Variants in PDE10A observed in about 807,000 individuals in gnomAD.
PDE10A encodes cAMP and cAMP-inhibited cGMP 3',5'-cyclic phosphodiesterase 10A.
PDE10A carries 39 observed loss-of-function variants against 97.7 expected under a neutral mutation model. The ratio of observed to expected loss-of-function variants is 0.40; its 90% CI spans 0.31 to 0.52. The LOEUF (loss-of-function observed/expected upper bound fraction) is 0.52. PDE10A is among the 20% of genes least tolerant of loss of function. PDE10A has a pLI of 0.56. For missense variants in PDE10A, 731 were observed against 1,047.8 expected (o/e 0.70, Z 4.17); for synonymous variants, 371 against 376.8 (o/e 0.98, Z 0.18).
chr6:165,488,337 T>C lies in PDE10A; in HGVS notation c.995-5994A>G, dbSNP rs561102151. 3.3e-5 allele frequency among the ~76,000 whole-genome samples: 5 copies of C among 152,290 alleles called. No individual in the cohort carries two copies. In the South Asian group the frequency reaches 1.0e-3, roughly 32 times the overall value. On this transcript the variant is annotated intron_variant, in intron 2 of 21. Transcript: ENST00000539869. ...CTTTTAAAAGCCTTAGCAAGGATAG[T>C]TTATGGGAAAAATAAATGCGCTAAG...
At chr6:165,967,625 A>C (rs576776144) in intron 1 of PDE10A, among the ~76,000 whole-genome samples, 9 of 152,252 alleles carry the variant, frequency 5.9e-5, no homozygotes, top group Admixed American at 1.3e-4. Flanking sequence ...GAATAAAGAA[A>C]TAGCATCTGT....
chr6:165,917,484 G>A (rs1040446089), intron 1 of PDE10A, among the ~76,000 whole-genome samples: 3 of 152,156 alleles, frequency 2.0e-5, no homozygotes, highest in Admixed American at 6.5e-5. Context: ...CAGGCACCCC[G>A]AAAATGCCCC....
intron 1 of PDE10A, among the ~76,000 whole-genome samples, chr6:165,658,269 T>C (rs1226371699): frequency 6.6e-6 from 1 of 152,234 alleles, no homozygotes; most frequent in African/African-American, 2.4e-5. Context: ...CTGATGAGTG[T>C]GGAGCACATT....
At chr6:165,882,466 C>T (rs919915626) in intron 1 of PDE10A, among the ~76,000 whole-genome samples, 2 of 152,112 alleles carry the variant, frequency 1.3e-5, no homozygotes, top group East Asian at 1.9e-4. Flanking sequence ...GGATCTAGAC[C>T]TCAGGTAGGT....
intron 2 of PDE10A, among the ~76,000 whole-genome samples, chr6:165,540,134 A>G (rs1583497902): frequency 1.3e-5 from 2 of 152,172 alleles, no homozygotes; most frequent in South Asian, 4.1e-4. Flanking sequence ...AAAATTTACT[A>G]TGATGCACGC....
intron 1 of PDE10A, among the ~76,000 whole-genome samples, chr6:165,886,912 G>A (rs1781646135): frequency 6.6e-6 from 1 of 152,178 alleles, no homozygotes; most frequent in African/African-American, 2.4e-5. Context: ...ACAACAGAGA[G>A]GAGAATCTGT....
chr6:165,741,999 T>A (rs1190878279), intron 1 of PDE10A, among the ~76,000 whole-genome samples: 2 of 152,226 alleles, frequency 1.3e-5, no homozygotes, highest in East Asian at 3.8e-4. Flanking sequence ...CAGCAGGATT[T>A]AAATTAAGCC....
chr6:165,342,129 A>G (rs1782009013), intron 19 of PDE10A, among the ~76,000 whole-genome samples: 1 of 152,220 alleles, frequency 6.6e-6, no homozygotes, highest in Admixed American at 6.5e-5. Context: ...ATGGTAGTAA[A>G]TGATAAAATC....
chr6:165,898,918 A>G (rs752293784), intron 1 of PDE10A, among the ~76,000 whole-genome samples: 13 of 152,190 alleles, frequency 8.5e-5, no homozygotes, highest in Non-Finnish European at 1.8e-4. Flanking sequence ...GTCTGTGTGC[A>G]TCATTCCCCC....
At chr6:165,478,139 T>C (rs536334056) in intron 3 of PDE10A, among the ~76,000 whole-genome samples, 1 of 152,328 alleles carries the variant, frequency 6.6e-6, no homozygotes, top group African/African-American at 2.4e-5. Context: ...CAATTCCGTA[T>C]CTGATTCCTT....
intron 1 of PDE10A, among the ~76,000 whole-genome samples, chr6:165,878,634 G>A (rs961175353): frequency 1.3e-5 from 2 of 152,174 alleles, no homozygotes; most frequent in African/African-American, 2.4e-5. Context: ...AGACATCCAC[G>A]TCTTAATCTT....
chr6:165,420,447 C>T (rs1173405560), intron 10 of PDE10A, among the ~76,000 whole-genome samples: 4 of 152,072 alleles, frequency 2.6e-5, no homozygotes, highest in East Asian at 3.9e-4. Flanking sequence ...AAAGGCACAG[C>T]GAGAGTGATG....
At chr6:165,768,915 C>T (rs1000370863) in intron 1 of PDE10A, among the ~76,000 whole-genome samples, 13 of 152,200 alleles carry the variant, frequency 8.5e-5, no homozygotes, top group Non-Finnish European at 1.5e-4. Context: ...CATCGAGCGC[C>T]GCAAAGTCAA....
intron 2 of PDE10A, among the ~76,000 whole-genome samples, chr6:165,520,388 G>A (rs747911939): frequency 1.4e-4 from 21 of 152,098 alleles, no homozygotes; most frequent in Non-Finnish European, 2.8e-4. Context: ...CATAGAGAAC[G>A]CTCTTGACAT....
Position 165,782,336 on chromosome 6 carries a change from C to T in PDE10A, c.-615+205193G>A, listed in dbSNP as rs117444502. On this transcript the variant is annotated intron_variant, in intron 1 of 19. Coordinates refer to the PDE10A transcript ENST00000366882. ...CACAGGCATTGCTGTAGACGAGTCTCCTCCCTTACTTCAGTTTACAGGCAT... is the reference window on the plus strand; with the variant it reads ...CACAGGCATTGCTGTAGACGAGTCTTCTCCCTTACTTCAGTTTACAGGCAT... 4.2e-3 allele frequency among the ~76,000 whole-genome samples: 636 copies of T among 152,314 alleles called. 2 individuals are homozygous for T. The highest frequency in any genetic ancestry group is 5.1e-3 in the Non-Finnish European group (348 of 68,036).
intron 2 of PDE10A, among the ~76,000 whole-genome samples, chr6:165,509,530 T>G (rs1262541569): frequency 2.6e-5 from 4 of 152,016 alleles, no homozygotes; most frequent in African/African-American, 9.7e-5. Flanking sequence ...CCTCCGGTGT[T>G]GTTCCTTTTG....
chr6:165,390,987 T>A (rs1583180859), intron 16 of PDE10A, among the ~76,000 whole-genome samples: 4 of 152,184 alleles, frequency 2.6e-5, no homozygotes, highest in Non-Finnish European at 2.9e-5. Context: ...ATGTACCTGA[T>A]AAGAAATCTC....
intron 1 of PDE10A, among the ~76,000 whole-genome samples, chr6:165,798,080 A>G (rs955011459): frequency 6.6e-6 from 1 of 152,250 alleles, no homozygotes; most frequent in Non-Finnish European, 1.5e-5. Flanking sequence ...GCTACTCTTT[A>G]AAACATACTT....
At chr6:165,559,258 T>C (rs562279942) in intron 1 of PDE10A, among the ~76,000 whole-genome samples, 2 of 152,230 alleles carry the variant, frequency 1.3e-5, no homozygotes, top group Admixed American at 1.3e-4. Context: ...TTATTTCCAA[T>C]ACGAAGTAGG....
Sources: gnomAD v4.1 joint callset for allele counts (sites outside exome capture counted in the v4.1 genomes callset) on GRCh38, gnomAD v4.1.1 for gene constraint, MANE v1.5 for transcripts, NCBI Gene and HGNC (gene_info 2026-07-23, HGNC 2026-07-21) for gene names.